PCDHGA1: variants seen among roughly 807,000 people sequenced by gnomAD.
The protein encoded by PCDHGA1 is protocadherin gamma-A1.
In PCDHGA1, 32 loss-of-function variants were observed where a neutral mutation model predicts 58.0. That is an observed-to-expected ratio of 0.55 (90% confidence interval 0.42 to 0.74). The LOEUF (loss-of-function observed/expected upper bound fraction) is 0.74, where lower values mean the gene tolerates loss of function less well. PCDHGA1 is among the 30% of genes least tolerant of loss of function. The pLI is 0.00. For synonymous variants in PCDHGA1, 498 were observed against 501.1 expected (o/e 0.99, Z 0.08); for missense variants, 1,205 against 1,182.3 (o/e 1.02, Z -0.28).
At chr5:141,402,799 C>G in intron 1 of PCDHGA1, 1 of 1,061,846 alleles carries the variant, frequency 9.4e-7, no homozygotes, top group Non-Finnish European at 1.3e-6. Flanking sequence ...TACACAAAAC[C>G]CGGCAGATAC....
At chr5:141,388,360 A>C in intron 1 of PCDHGA1, 1 of 1,613,996 alleles carries the variant, frequency 6.2e-7, no homozygotes, top group South Asian at 1.1e-5. Context: ...TCTGCCCATG[A>C]TGCGGATATT....
At chr5:141,351,523 C>G in intron 1 of PCDHGA1, 1 of 1,614,036 alleles carries the variant, frequency 6.2e-7, no homozygotes, top group Non-Finnish European at 8.5e-7. Context: ...TCATAGCCAC[C>G]GACAAGGGCA....
intron 3 of PCDHGA1, among the ~76,000 whole-genome samples, chr5:141,508,937 G>T (rs764041162): frequency 3.0e-4 from 45 of 152,040 alleles, no homozygotes; most frequent in Non-Finnish European, 6.3e-4. Flanking sequence ...AGTTAATTAG[G>T]GAAAACAGAG....
At chr5:141,364,510 G>A (rs1763366973) in intron 1 of PCDHGA1, 5 of 1,614,022 alleles carry the variant, frequency 3.1e-6, no homozygotes, top group South Asian at 2.2e-5. Context: ...AGGAGCTGGC[G>A]GAGCGCGGAG....
Position 141,399,593 on chromosome 5 carries a change from C to A in PCDHGA1, c.2421+66488C>A, listed in dbSNP as rs201515317. 170 of 1,613,988 alleles carry A rather than the reference C, an allele frequency of 1.1e-4. 1 individual carries two copies. The African/African-American group carries it at 1.5e-3, about 14-fold the overall frequency. On this transcript the variant is annotated intron_variant, in intron 1 of 3. Coordinates refer to ENST00000517417, the MANE Select transcript of PCDHGA1 (RefSeq NM_018912.3). Reference sequence around the variant, plus strand: ...GGCCAAGTCTCCTACTCTATCATGGCCAGCGACCTAGAGCCTCTGGCACTG... The same window carrying A: ...GGCCAAGTCTCCTACTCTATCATGGACAGCGACCTAGAGCCTCTGGCACTG...
rs759809591 is a variant in PCDHGA1 at position 141,511,048 on chromosome 5, C to T, written c.2671C>T (p.Arg891Cys). The change falls in exon 4 of 4, where the codon CGC becomes TGC. Residue 891 changes from arginine (R) to cysteine (C), a missense_variant. Coordinates refer to ENST00000517417, the MANE Select transcript of PCDHGA1 (RefSeq NM_018912.3). ...QFTLQHVPDY[R>C]QNVYIPGSNA... ...CACCCTGCAGCACGTGCCCGACTAC[C>T]GCCAGAATGTCTACATCCCAGGCAG... 9 of 1,614,224 alleles carry T rather than the reference C, an allele frequency of 5.6e-6. No individual in the cohort carries two copies. The highest frequency in any genetic ancestry group is 1.7e-5 in the Admixed American group (1 of 60,034).
intron 1 of PCDHGA1, among the ~76,000 whole-genome samples, chr5:141,369,219 G>C (rs906791517): frequency 6.6e-6 from 1 of 152,126 alleles, no homozygotes; most frequent in African/African-American, 2.4e-5. Context: ...CCAAGGAAAA[G>C]TGGACAGGAA....
chr5:141,405,927 A>G (rs138259154), intron 1 of PCDHGA1, among the ~76,000 whole-genome samples: 13 of 152,268 alleles, frequency 8.5e-5, no homozygotes, highest in African/African-American at 2.6e-4. Flanking sequence ...ATTTGCTGAT[A>G]TAACTTTCAT....
At position 141,444,152 on chromosome 5, in the gene PCDHGA1, A is replaced by ATTTTTTTTTTT. The variant is rs747671382; in HGVS notation, c.2422-50629_2422-50619dup. 8.9e-5 allele frequency among the ~76,000 whole-genome samples: 3 copies of ATTTTTTTTTTT among 33,898 alleles called. 1 individual carries two copies. Among genetic ancestry groups the ATTTTTTTTTTT allele is most frequent in the African/African-American group, 4.2e-4 (3 of 7,184 alleles). 22.2% of individuals were successfully genotyped at this position (33,898 alleles called of 152,430 possible). On this transcript the variant is annotated intron_variant, in intron 1 of 3. Transcript: ENST00000517417. Reference sequence around the variant, plus strand: ...GATATGTGTCACTTGTGTGTACTGGATTTTTTTTTTTTTTTTTTTTTTTTT... The same window carrying ATTTTTTTTTTT: ...GATATGTGTCACTTGTGTGTACTGGATTTTTTTTTTTTTTTTTTTTTTTTTTTTTTTTTTTT...
chr5:141,335,982 A>T (rs945756654), intron 1 of PCDHGA1, among the ~76,000 whole-genome samples: 9 of 152,248 alleles, frequency 5.9e-5, no homozygotes. Context: ...CAAATGCAAT[A>T]ATTTTTTTAA....
intron 1 of PCDHGA1, among the ~76,000 whole-genome samples, chr5:141,465,116 C>A (rs2099097321): frequency 6.6e-6 from 1 of 150,972 alleles, no homozygotes; most frequent in Non-Finnish European, 1.5e-5. Context: ...AGTGTTTTAG[C>A]CTAAATTTGT....
chr5:141,345,494 C>T (rs1757582349), intron 1 of PCDHGA1: 1 of 1,614,174 alleles, frequency 6.2e-7, no homozygotes, highest in Non-Finnish European at 8.5e-7. Context: ...ACGCCCGCAT[C>T]ACTTATGCAT....
At chr5:141,349,321 T>A (rs1169354702) in intron 1 of PCDHGA1, among the ~76,000 whole-genome samples, 1 of 152,150 alleles carries the variant, frequency 6.6e-6, no homozygotes, top group Non-Finnish European at 1.5e-5. Context: ...CTTCCCACCT[T>A]GGCCTCCCAA....
chr5:141,372,053 C>T, intron 1 of PCDHGA1: 1 of 1,613,498 alleles, frequency 6.2e-7, no homozygotes, highest in Middle Eastern at 1.7e-4. Context: ...TGTTGGTGGA[C>T]GACCGCAACG....
intron 2 of PCDHGA1, 105 bp downstream of exon 2, chr5:141,494,970 C>T (rs1352514628): frequency 1.9e-6 from 3 of 1,584,974 alleles, no homozygotes; most frequent in East Asian, 4.6e-5. Context: ...GATGGCTTCT[C>T]CCTCAGTTTG....
chr5:141,437,782 A>C (rs1410096491), intron 1 of PCDHGA1, among the ~76,000 whole-genome samples: 1 of 151,512 alleles, frequency 6.6e-6, no homozygotes, highest in African/African-American at 2.4e-5. Context: ...TCTGTCGCCA[A>C]GCTGGAGTGC....
intron 1 of PCDHGA1, chr5:141,407,908 G>C (rs1431775491): frequency 2.4e-6 from 1 of 420,166 alleles, no homozygotes; most frequent in Non-Finnish European, 4.2e-6. Flanking sequence ...ATGAAAAACC[G>C]GGCTGCTGTC....
chr5:141,399,109 A>G (rs1346301996), intron 1 of PCDHGA1: 4 of 1,613,714 alleles, frequency 2.5e-6, no homozygotes, highest in Admixed American at 3.3e-5. Context: ...TGCACAATGT[A>G]CAGTTGAAAT....
chr5:141,361,114 C>A, intron 1 of PCDHGA1: 1 of 1,613,990 alleles, frequency 6.2e-7, no homozygotes, highest in Non-Finnish European at 8.5e-7. Context: ...TCCTGGAGAT[C>A]TAGCAGCCCA....
Sources: allele counts gnomAD v4.1 joint callset (sites outside exome capture counted in the v4.1 genomes callset), GRCh38; gene constraint gnomAD v4.1.1; transcripts MANE v1.5; gene names NCBI Gene and HGNC (gene_info 2026-07-23, HGNC 2026-07-21).